Variants in WDR37 observed in about 807,000 individuals in gnomAD.
The protein encoded by WDR37 is WD repeat-containing protein 37.
WDR37 carries 19 observed loss-of-function variants against 62.9 expected under a neutral mutation model. The ratio of observed to expected loss-of-function variants is 0.30; its 90% CI spans 0.21 to 0.44. The LOEUF (loss-of-function observed/expected upper bound fraction) is 0.44, where lower values mean the gene tolerates loss of function less well. Among genes scored for constraint, WDR37 ranks in the 20% least tolerant of loss-of-function variants. The pLI, the probability that WDR37 is intolerant of heterozygous loss-of-function variation, is 1.00. For synonymous variants in WDR37, 250 were observed against 260.9 expected (o/e 0.96, Z 0.40); for missense variants, 474 against 657.6 (o/e 0.72, Z 3.05).
intron 1 of WDR37, among the ~76,000 whole-genome samples, chr10:1,071,811 G>A (rs1193892454): frequency 6.6e-6 from 1 of 152,116 alleles, no homozygotes; most frequent in African/African-American, 2.4e-5. Flanking sequence ...TTCCCTCGGG[G>A]GAGTAGACTG....
chr10:1,093,219 A>T (rs1200083907), intron 7 of WDR37, among the ~76,000 whole-genome samples: 2 of 152,194 alleles, frequency 1.3e-5, no homozygotes, highest in Non-Finnish European at 2.9e-5. Flanking sequence ...GATGATGAAT[A>T]TCCTTTTCCT....
At chr10:1,125,210 C>A in intron 13 of WDR37, 186 bp downstream of exon 13, 1 of 679,454 alleles carries the variant, frequency 1.5e-6, no homozygotes, top group Non-Finnish European at 1.8e-6. Flanking sequence ...TTATTCCACA[C>A]CTACTTCAGT....
chr10:1,060,098 CA>C (rs1334096982), intron 1 of WDR37, among the ~76,000 whole-genome samples: 2 of 152,206 alleles, frequency 1.3e-5, no homozygotes, highest in Admixed American at 6.5e-5. Context: ...CTGGGCCTCC[CA>C]AAAGGCTGGG....
intron 13 of WDR37, 50 bp downstream of exon 13, chr10:1,125,074 G>A (rs1438384719): frequency 6.3e-7 from 1 of 1,587,520 alleles, no homozygotes; most frequent in South Asian, 1.1e-5. Flanking sequence ...AGGAGGACGG[G>A]TAGAGATATT....
chr10:1,110,755 G>T (rs775895757), intron 11 of WDR37, among the ~76,000 whole-genome samples: 7 of 152,212 alleles, frequency 4.6e-5, no homozygotes, highest in Non-Finnish European at 1.0e-4. Flanking sequence ...GACCCTCTGC[G>T]CCGGGGGCTT....
chr10:1,124,881 C>T, intron 12 of WDR37, 29 bp from the exon 13 acceptor site: 1 of 1,611,912 alleles, frequency 6.2e-7, no homozygotes, highest in Non-Finnish European at 8.5e-7. Flanking sequence ...CTGTTTCATG[C>T]ACAACCCACT....
intron 11 of WDR37, among the ~76,000 whole-genome samples, chr10:1,118,743 CGT>C (rs200222929): frequency 1.3e-5 from 2 of 152,074 alleles, no homozygotes; most frequent in East Asian, 3.9e-4. Context: ...AAGACTATTT[CGT>C]GTGTGTGTGT....
At chr10:1,060,485 A>G (rs1833342355) in intron 1 of WDR37, among the ~76,000 whole-genome samples, 1 of 152,224 alleles carries the variant, frequency 6.6e-6, no homozygotes, top group Non-Finnish European at 1.5e-5. Flanking sequence ...AAGGACATTT[A>G]ATCTCCATAA....
intron 11 of WDR37, among the ~76,000 whole-genome samples, chr10:1,122,248 C>T (rs189679716): frequency 5.9e-5 from 9 of 152,148 alleles, no homozygotes; most frequent in East Asian, 1.9e-4. Context: ...TGATTTGTGA[C>T]GACAAGAGGA....
intron 1 of WDR37, among the ~76,000 whole-genome samples, chr10:1,068,906 C>T (rs941619800): frequency 2.6e-5 from 4 of 152,148 alleles, no homozygotes; most frequent in East Asian, 1.9e-4. Context: ...ACTTTGAAAT[C>T]GTTGTGCTAA....
chr10:1,079,091 GT>G (rs71376886), intron 3 of WDR37, among the ~76,000 whole-genome samples: 84,070 of 147,714 alleles, frequency 0.57, 24,351 homozygotes, highest in Non-Finnish European at 0.65. Context: ...CAACTTTTTT[GT>G]TTTTTTTTTT....
At position 1,080,508 on chromosome 10, in the gene WDR37, G is replaced by T. The variant is rs373182242; in HGVS notation, c.396+32G>T. On this transcript the variant is annotated intron_variant, in intron 5 of 13. Coordinates refer to ENST00000263150, the MANE Select transcript of WDR37 (RefSeq NM_014023.4). ...AGGCCACTGGCTCTTGAGCCATCAT[G>T]TGGTGGTTAAGGTGTGCAGATGTGT... is the stretch of plus-strand genomic sequence containing the variant. The T allele has an allele frequency of 8.7e-4, 1,398 of 1,611,838 alleles. 6 individuals carry two copies. Among genetic ancestry groups the T allele is most frequent in the Non-Finnish European group, 8.0e-4 (946 of 1,177,974 alleles).
intron 13 of WDR37, among the ~76,000 whole-genome samples, chr10:1,126,893 C>G (rs1350507300): frequency 6.6e-6 from 1 of 152,198 alleles, no homozygotes; most frequent in Non-Finnish European, 1.5e-5. Flanking sequence ...CTCCTCGATA[C>G]ACATCCAAAT....
intron 11 of WDR37, among the ~76,000 whole-genome samples, chr10:1,122,572 G>A (rs1000401020): frequency 6.6e-5 from 10 of 152,246 alleles, no homozygotes; most frequent in Admixed American, 2.6e-4. Context: ...CCCCCTGGCC[G>A]TTGCTGAAGA....
chr10:1,077,417 T>C (rs1833910768), intron 2 of WDR37, among the ~76,000 whole-genome samples: 1 of 152,138 alleles, frequency 6.6e-6, no homozygotes, highest in Non-Finnish European at 1.5e-5. Context: ...CTCTTTTAGG[T>C]GTTATGTCGA....
At position 1,075,273 on chromosome 10, in the gene WDR37, CTT is replaced by C. The variant is rs61550443; in HGVS notation, c.139-2617_139-2616del. On this transcript the variant is annotated intron_variant, in intron 2 of 13. Transcript: ENST00000263150. Reference sequence around the variant, plus strand: ...TCAGCTTTCTTTTCCATAGCAATTCCTTTTTTTTTTTTTTTTTTAAATTTATA... The same window carrying C: ...TCAGCTTTCTTTTCCATAGCAATTCCTTTTTTTTTTTTTTTTAAATTTATA... 4.2e-3 allele frequency among the ~76,000 whole-genome samples: 591 copies of C among 139,228 alleles called. 7 individuals are homozygous for C. Among genetic ancestry groups the C allele is most frequent in the African/African-American group, 0.015 (551 of 37,148 alleles). The allele number at this position is 139,228 out of a possible 152,430, so 91.3% of individuals were successfully genotyped here.
chr10:1,064,228 A>G (rs1186240549), intron 1 of WDR37, among the ~76,000 whole-genome samples: 4 of 152,234 alleles, frequency 2.6e-5, no homozygotes, highest in African/African-American at 7.2e-5. Flanking sequence ...ATTTGAAGAT[A>G]GAACAATAGA....
Position 1,131,080 on chromosome 10 carries a change from T to G in WDR37, c.*1736T>G, listed in dbSNP as rs1016692176. 1 of 152,302 alleles carries G rather than the reference T, an allele frequency of 6.6e-6. No individual in the cohort carries two copies. Among genetic ancestry groups the G allele is most frequent in the Non-Finnish European group, 1.5e-5 (1 of 68,072 alleles). The allele number at this position is 152,302 out of a possible 1,614,324, so 9.4% of individuals were successfully genotyped here. A position where few individuals can be genotyped will look rare whatever the true frequency, so the allele number is the denominator to read the frequency against. ...CACTGTTCTGAGAATGGAGTCCACC[T>G]GGTCCCTCTGGTTGATTAGAATCTC... On this transcript the variant is annotated 3_prime_UTR_variant, in exon 14 of 14. Transcript: ENST00000263150.
Position 1,072,222 on chromosome 10 carries a change from C to G in WDR37, c.67C>G (p.Leu23Val), listed in dbSNP as rs759250769. 1 of 1,614,198 alleles carries G rather than the reference C, an allele frequency of 6.2e-7. No individual in the cohort carries two copies. The highest frequency in any genetic ancestry group is 1.7e-5 in the Admixed American group (1 of 60,020). Residue 23 changes from leucine to valine, a missense_variant, in exon 2 of 14, where the codon CTT becomes GTT. Physicochemically the swap from Leu to Val is conservative, Grantham distance 32 (BLOSUM62 1). Transcript: ENST00000263150. ...AAAACAGAAGCGCAAATCCCATAGC[C>G]TTTCTATACGAAGAACTAACAGCTC... ...QTKQKRKSHS[L>V]SIRRTNSSEQ...
Sources: allele counts gnomAD v4.1 joint callset (sites outside exome capture counted in the v4.1 genomes callset), GRCh38; gene constraint gnomAD v4.1.1; transcripts MANE v1.5; gene names NCBI Gene and HGNC (gene_info 2026-07-23, HGNC 2026-07-21).